SYNE1: variants seen among roughly 807,000 people sequenced by gnomAD.
The protein encoded by SYNE1 is nesprin-1.
SYNE1 carries 616 observed loss-of-function variants against 1,111.0 expected under a neutral mutation model. The ratio of observed to expected loss-of-function variants is 0.55; its 90% CI spans 0.52 to 0.59. SYNE1 has a LOEUF of 0.59. Among genes scored for constraint, SYNE1 ranks in the 20% least tolerant of loss-of-function variants. The pLI is 0.00. For synonymous variants in SYNE1, 3,855 were observed against 3,825.8 expected (o/e 1.01, Z -0.28); for missense variants, 10,006 against 10,417.0 (o/e 0.96, Z 1.72).
intron 3 of SYNE1, among the ~76,000 whole-genome samples, chr6:152,556,621 C>CAT (rs1310812658): frequency 1.3e-5 from 2 of 152,178 alleles, no homozygotes; most frequent in Admixed American, 1.3e-4. Flanking sequence ...CACAATGGAC[C>CAT]ATAGTCCCAG....
chr6:152,232,069 A>G (rs2082898767), intron 113 of SYNE1, 47 bp downstream of exon 113: 1 of 1,393,822 alleles, frequency 7.2e-7, no homozygotes, highest in South Asian at 1.2e-5. Context: ...CTTTCAAATA[A>G]AATGGTCTGA....
At chr6:152,376,250 T>A (rs1265356270) in intron 58 of SYNE1, 131 bp downstream of exon 58, 2 of 886,718 alleles carry the variant, frequency 2.3e-6, no homozygotes, top group East Asian at 5.0e-5. Context: ...CACCTCCTGC[T>A]GTGCGGCCTG....
intron 101 of SYNE1, among the ~76,000 whole-genome samples, chr6:152,261,660 C>G (rs1309625684): frequency 6.6e-6 from 1 of 152,182 alleles, no homozygotes; most frequent in Non-Finnish European, 1.5e-5. Context: ...CAATTGAGTT[C>G]CAGATTTGTG....
chr6:152,323,703 T>G lies in SYNE1; in HGVS notation c.15692A>C (p.Gln5231Pro). Residue 5231 changes from glutamine to proline, a missense_variant, in exon 82 of 146, where the codon CAA becomes CCA. Physicochemically the swap from Gln to Pro is moderately conservative, Grantham distance 76. Transcript: ENST00000367255. ...TGCTGAACTTCCAGGTAACTTATCT[T>G]GCAGCTGATCAATCATTTCAGTGGC... is the stretch of plus-strand genomic sequence containing the variant. ...KKATEMIDQLQDKLPGSSAEK... is the reference protein window; with the variant it reads ...KKATEMIDQLPDKLPGSSAEK... 1 of 1,614,208 alleles carries G rather than the reference T, an allele frequency of 6.2e-7. No individual in the cohort carries two copies. Among genetic ancestry groups the G allele is most frequent in the Non-Finnish European group, 8.5e-7 (1 of 1,180,038 alleles).
At chr6:152,195,463 C>T (rs2813534) in intron 127 of SYNE1, among the ~76,000 whole-genome samples, 23,834 of 152,074 alleles carry the variant, frequency 0.16, 2,079 homozygotes, top group African/African-American at 0.19. Flanking sequence ...TTGAAGGGAC[C>T]TGGGAGTTGT....
intron 44 of SYNE1, among the ~76,000 whole-genome samples, chr6:152,408,223 A>T (rs1435148163): frequency 6.6e-6 from 1 of 152,236 alleles, no homozygotes; most frequent in African/African-American, 2.4e-5. Flanking sequence ...AGGGCAACAG[A>T]ATCACTGAAT....
chr6:152,517,055 C>T lies in SYNE1; in HGVS notation c.309+3404G>A, dbSNP rs1316559824. ...AGCTAAAATTGTTTTGCACACTATCCTAATGCCTGGAATCTCTCTTGGGCA... is the reference window on the plus strand; with the variant it reads ...AGCTAAAATTGTTTTGCACACTATCTTAATGCCTGGAATCTCTCTTGGGCA... On this transcript the variant is annotated intron_variant, in intron 6 of 145. Transcript: ENST00000367255. Among the ~76,000 whole-genome samples the T allele has an allele frequency of 2.0e-5, 3 of 152,166 alleles. 1 individual carries two copies. The highest frequency in any genetic ancestry group is 3.8e-4 in the East Asian group (2 of 5,196).
At chr6:152,242,708 T>C (rs1266300602) in intron 106 of SYNE1, among the ~76,000 whole-genome samples, 2 of 152,182 alleles carry the variant, frequency 1.3e-5, no homozygotes, top group Non-Finnish European at 2.9e-5. Flanking sequence ...TGATACCTGG[T>C]GGTTCAAGTT....
rs987727655 is a variant in SYNE1 at position 152,430,107 on chromosome 6, C to G, written c.4788+5G>C. The G allele has an allele frequency of 6.4e-7, 1 of 1,567,510 alleles. No homozygotes were observed. Among genetic ancestry groups the G allele is most frequent in the African/African-American group, 1.4e-5 (1 of 74,064 alleles). Reference sequence around the variant, plus strand: ...AATAGTAGAAATGTTGAAGCATACTCTTACCATATGTTCTTGAAGAACTTT... The same window carrying G: ...AATAGTAGAAATGTTGAAGCATACTGTTACCATATGTTCTTGAAGAACTTT... On this transcript the variant is annotated splice_donor_5th_base_variant and intron_variant, in intron 36 of 145. Coordinates refer to ENST00000367255, the MANE Select transcript of SYNE1 (RefSeq NM_182961.4).
chr6:152,359,842 T>C lies in SYNE1; in HGVS notation c.10300-384A>G, dbSNP rs539438529. 1.3e-3 allele frequency among the ~76,000 whole-genome samples: 197 copies of C among 151,180 alleles called. 2 individuals are homozygous for C. The highest frequency in any genetic ancestry group is 4.6e-3 in the African/African-American group (190 of 41,136). On this transcript the variant is annotated intron_variant, in intron 64 of 145. Coordinates refer to ENST00000367255, the MANE Select transcript of SYNE1 (RefSeq NM_182961.4). ...ATCTCTTTTCAAACAGCAAATGCCA[T>C]GACCTCCCACCCAGACGGTCAACCC...
At chr6:152,270,778 G>A (rs778080766) in intron 98 of SYNE1, among the ~76,000 whole-genome samples, 12 of 152,154 alleles carry the variant, frequency 7.9e-5, no homozygotes, top group Non-Finnish European at 1.3e-4. Flanking sequence ...TACAGAGACT[G>A]ATAATGGGAT....
At chr6:152,261,829 CAAAT>C (rs2092037289) in intron 101 of SYNE1, among the ~76,000 whole-genome samples, 199 bp downstream of exon 101, 1 of 151,894 alleles carries the variant, frequency 6.6e-6, no homozygotes. Context: ...GTCTATAAAT[CAAAT>C]AAATTTTCAC....
At chr6:152,415,512 A>G (rs568041701) in intron 41 of SYNE1, among the ~76,000 whole-genome samples, 1 of 152,244 alleles carries the variant, frequency 6.6e-6, no homozygotes, top group South Asian at 2.1e-4. Flanking sequence ...CTCTGAACTA[A>G]TGAGCTTGCA....
chr6:152,629,893 G>A (rs1375587033), intron 2 of SYNE1, among the ~76,000 whole-genome samples: 1 of 152,058 alleles, frequency 6.6e-6, no homozygotes, highest in Non-Finnish European at 1.5e-5. Flanking sequence ...GTGAGATGGT[G>A]CACCTTCCTG....
intron 3 of SYNE1, among the ~76,000 whole-genome samples, chr6:152,598,683 T>C (rs1365480322): frequency 6.6e-6 from 1 of 152,200 alleles, no homozygotes; most frequent in Non-Finnish European, 1.5e-5. Flanking sequence ...AATGTGGCAA[T>C]TAGTCATCAC....
chr6:152,271,163 G>A (rs931353259), intron 98 of SYNE1, among the ~76,000 whole-genome samples: 4 of 151,754 alleles, frequency 2.6e-5, no homozygotes, highest in South Asian at 2.1e-4. Flanking sequence ...CCCTTCTCTC[G>A]CTCTCCTATT....
chr6:152,465,990 T>A lies in SYNE1; in HGVS notation c.1721A>T (p.Asp574Val), dbSNP rs762863596. Residue 574 changes from aspartate to valine, a missense_variant, in exon 17 of 146, where the codon GAT (aspartate) becomes GTT (valine). Physicochemically the swap from Asp to Val is radical, Grantham distance 152 (BLOSUM62 -3). This residue lies in a region of SYNE1 where 1,971 missense variants were observed against 2,084.1 expected (regional missense o/e 0.95). Transcript: ENST00000367255. ...KQTAEMYVKA[D>V]GSVEEAENVM... ...TCTGTAGTATGTTTTACCTGAACCA[T>A]CTGCTTTGACATACATCTCAGCTGT... 6 of 1,611,246 alleles carry A rather than the reference T, an allele frequency of 3.7e-6. No individual in the cohort carries two copies. The South Asian group carries it at 6.6e-5, about 18-fold the overall frequency.
intron 49 of SYNE1, among the ~76,000 whole-genome samples, chr6:152,398,022 G>T (rs2097762836): frequency 6.6e-6 from 1 of 151,306 alleles, no homozygotes; most frequent in Admixed American, 6.6e-5. Context: ...AAAAGAAAAA[G>T]GTTACTTTTT....
chr6:152,132,959 C>T (rs976449403), intron 143 of SYNE1, among the ~76,000 whole-genome samples: 6 of 151,204 alleles, frequency 4.0e-5, no homozygotes, highest in African/African-American at 1.5e-4. Context: ...AATTGGTTTG[C>T]TCTACCATGG....
Sources: gnomAD v4.1 joint callset for allele counts (sites outside exome capture counted in the v4.1 genomes callset) on GRCh38, gnomAD v4.1.1 for gene constraint, gnomAD v4.1.1 regional missense constraint, MANE v1.5 for transcripts, NCBI Gene and HGNC (gene_info 2026-07-23, HGNC 2026-07-21) for gene names.